GALNT13: variants seen among roughly 807,000 people sequenced by gnomAD.
GALNT13 encodes the protein polypeptide N-acetylgalactosaminyltransferase 13, also known as UDP-GalNAc:polypeptide N-acetylgalactosaminyltransferase 13.
GALNT13 carries 28 observed loss-of-function variants against 64.2 expected under a neutral mutation model. The ratio of observed to expected loss-of-function variants is 0.44; its 90% CI spans 0.32 to 0.60. GALNT13 has a LOEUF of 0.60. Ranked by LOEUF, GALNT13 falls within the 20% of genes least tolerant of loss-of-function variation. The pLI is 0.05. For synonymous variants in GALNT13, 214 were observed against 224.6 expected, an observed-to-expected ratio of 0.95 and a Z score of 0.42; for missense variants, 577 against 669.8, an observed-to-expected ratio of 0.86 and a Z score of 1.53.
At chr2:154,103,438 G>T (rs1440058732) in intron 3 of GALNT13, among the ~76,000 whole-genome samples, 1 of 151,960 alleles carries the variant, frequency 6.6e-6, no homozygotes, top group African/African-American at 2.4e-5. Context: ...TGGATGTCTT[G>T]TGCTTTCTTA....
intron 12 of GALNT13, among the ~76,000 whole-genome samples, chr2:154,445,414 G>A (rs950153663): frequency 1.3e-5 from 2 of 151,600 alleles, no homozygotes; most frequent in African/African-American, 4.8e-5. Flanking sequence ...TGTTGTTAAA[G>A]TGGCATTTTC....
intron 11 of GALNT13, among the ~76,000 whole-genome samples, chr2:154,421,601 T>C (rs1385250384): frequency 2.5e-4 from 2 of 8,012 alleles, no homozygotes; most frequent in Non-Finnish European, 3.1e-4. Context: ...TTATTTCTAA[T>C]TTTTTTCCAA....
chr2:153,865,099 C>G, the GALNT13 span, among the ~76,000 whole-genome samples: 195 of 140,986 alleles, frequency 1.4e-3, no homozygotes, highest in African/African-American at 5.0e-3. Context: ...GGAAAACTGG[C>G]TAGCCATATG....
intron 3 of GALNT13, among the ~76,000 whole-genome samples, chr2:154,006,612 G>C (rs933238725): frequency 6.6e-6 from 1 of 152,132 alleles, no homozygotes; most frequent in Non-Finnish European, 1.5e-5. Context: ...AGAAAAACTG[G>C]TTAATATTTT....
At chr2:154,097,832 C>T (rs1302444977) in intron 3 of GALNT13, among the ~76,000 whole-genome samples, 1 of 151,980 alleles carries the variant, frequency 6.6e-6, no homozygotes, top group Non-Finnish European at 1.5e-5. Context: ...AGCAATAACC[C>T]CAGTAAATTT....
At chr2:154,428,314 C>CT (rs1700556442) in intron 11 of GALNT13, among the ~76,000 whole-genome samples, 1 of 152,284 alleles carries the variant, frequency 6.6e-6, no homozygotes, top group African/African-American at 2.4e-5. Flanking sequence ...TTCAGTTTCA[C>CT]TTAGCGAAGC....
At chr2:154,069,069 A>G (rs1039027933) in intron 3 of GALNT13, among the ~76,000 whole-genome samples, 5 of 152,044 alleles carry the variant, frequency 3.3e-5, no homozygotes, top group Non-Finnish European at 7.4e-5. Flanking sequence ...AGTAAAAAGC[A>G]AAAACAATGA....
chr2:153,208,907 A>T, the GALNT13 span, among the ~76,000 whole-genome samples: 1 of 136,344 alleles, frequency 7.3e-6, no homozygotes, highest in Non-Finnish European at 1.6e-5. Flanking sequence ...TGTTTCTGTG[A>T]TTTCTCCTAG....
At chr2:154,216,004 A>G (rs1573893902) in intron 4 of GALNT13, among the ~76,000 whole-genome samples, 1 of 151,884 alleles carries the variant, frequency 6.6e-6, no homozygotes. Context: ...TTTTAGAAAT[A>G]TAAAACAAAT....
the GALNT13 span, among the ~76,000 whole-genome samples, chr2:153,583,320 A>G: frequency 6.6e-6 from 1 of 152,202 alleles, no homozygotes; most frequent in African/African-American, 2.4e-5. Context: ...ACTGAAGGAC[A>G]TGGTTTTCTT....
chr2:153,254,422 C>T, the GALNT13 span, among the ~76,000 whole-genome samples: 1 of 152,096 alleles, frequency 6.6e-6, no homozygotes, highest in South Asian at 2.1e-4. Flanking sequence ...AAAACCAGCT[C>T]CTGGATTCAT....
At chr2:153,894,037 C>T (rs1687732694) in intron 1 of GALNT13, among the ~76,000 whole-genome samples, 1 of 152,036 alleles carries the variant, frequency 6.6e-6, no homozygotes, top group Non-Finnish European at 1.5e-5. Flanking sequence ...GTTTTCATCC[C>T]AGAAGACAGA....
chr2:154,313,805 A>G (rs534937361), intron 9 of GALNT13, among the ~76,000 whole-genome samples: 83 of 152,212 alleles, frequency 5.5e-4, no homozygotes, highest in South Asian at 6.2e-4. Flanking sequence ...TTCAGATACC[A>G]TGATCATTTA....
chr2:153,410,269 G>A, the GALNT13 span, among the ~76,000 whole-genome samples: 1 of 151,704 alleles, frequency 6.6e-6, no homozygotes, highest in African/African-American at 2.4e-5. Flanking sequence ...GGGGGGGTGG[G>A]GTAGGGGGAG....
intron 8 of GALNT13, among the ~76,000 whole-genome samples, chr2:154,267,483 T>C (rs1691077486): frequency 6.6e-6 from 1 of 151,950 alleles, no homozygotes; most frequent in Non-Finnish European, 1.5e-5. Flanking sequence ...CTACTAAAAA[T>C]ACAAAAATTA....
At chr2:154,053,502 G>A (rs1699752139) in intron 3 of GALNT13, among the ~76,000 whole-genome samples, 1 of 150,764 alleles carries the variant, frequency 6.6e-6, no homozygotes, top group African/African-American at 2.4e-5. Context: ...TATTAAATCA[G>A]TTCAGCCTGC....
chr2:154,184,267 T>C (rs181097970), intron 4 of GALNT13, among the ~76,000 whole-genome samples: 1 of 152,202 alleles, frequency 6.6e-6, no homozygotes. Flanking sequence ...GAATATGCTG[T>C]TTTACCCTTT....
At chr2:153,083,069 T>G in the GALNT13 span, among the ~76,000 whole-genome samples, 1 of 152,002 alleles carries the variant, frequency 6.6e-6, no homozygotes, top group African/African-American at 2.4e-5. Flanking sequence ...CCACTTGATC[T>G]GCCCACCTTG....
chr2:153,732,854 T>C, the GALNT13 span, among the ~76,000 whole-genome samples: 1 of 152,088 alleles, frequency 6.6e-6, no homozygotes, highest in Non-Finnish European at 1.5e-5. Context: ...TACTAGCCAA[T>C]AAAATATAAG....
Sources: allele counts gnomAD v4.1 joint callset (sites outside exome capture counted in the v4.1 genomes callset), GRCh38; gene constraint gnomAD v4.1.1; transcripts MANE v1.5; gene names NCBI Gene and HGNC (gene_info 2026-07-23, HGNC 2026-07-21).